PLA2R1: variants seen among roughly 807,000 people sequenced by gnomAD.
The protein encoded by PLA2R1 is secretory phospholipase A2 receptor.
A neutral mutation model predicts 195.9 loss-of-function variants in PLA2R1; 158 were observed. That is an observed-to-expected ratio of 0.81 (90% CI 0.71 to 0.92). PLA2R1 has a LOEUF of 0.92. Ranked by LOEUF, PLA2R1 falls within the 40% of genes least tolerant of loss-of-function variation. The pLI is 0.00. For missense variants in PLA2R1, 1,626 were observed against 1,764.6 expected, an observed-to-expected ratio of 0.92 and a Z score of 1.41; for synonymous variants, 586 against 598.2, an observed-to-expected ratio of 0.98 and a Z score of 0.30.
In PLA2R1 at chr2:159,961,004, A is replaced by C. The variant is rs1379251270; in HGVS notation, c.2905-4377T>G. Among the ~76,000 whole-genome samples, 17 of 152,290 alleles carry C rather than the reference A, an allele frequency of 1.1e-4. No individual in the cohort carries two copies. The South Asian group carries it at 3.5e-3, about 32-fold the overall frequency. On this transcript the variant is annotated intron_variant, in intron 20 of 29. Coordinates refer to ENST00000283243, the MANE Select transcript of PLA2R1 (RefSeq NM_007366.5). ...GTAGCTTTATTTGTTAATAGGGAAAAACCATCCCACCGCTCTCAGCTATCA... is the reference window on the plus strand; with the variant it reads ...GTAGCTTTATTTGTTAATAGGGAAACACCATCCCACCGCTCTCAGCTATCA...
chr2:159,960,239 T>G (rs999575173), intron 20 of PLA2R1, among the ~76,000 whole-genome samples: 2 of 152,134 alleles, frequency 1.3e-5, no homozygotes, highest in African/African-American at 4.8e-5. Flanking sequence ...TTCTGACCAC[T>G]TCAGTCAGGT....
rs773640358 is a variant in PLA2R1, at chr2:159,956,608, G to C, written c.2924C>G (p.Pro975Arg). 2.5e-6 allele frequency: 4 copies of C among 1,607,830 alleles called. No individual in the cohort carries two copies. The highest frequency in any genetic ancestry group is 2.6e-6 in the Non-Finnish European group (3 of 1,174,560). ...GTTCTTCCAACTGCTTGGGTCTTTG[G>C]GGATATTCAGCAGAAGGCACTATCA... Reference protein sequence around the residue: ...FNYKCLLLNIPKDPSSWKNWT... With the variant: ...FNYKCLLLNIRKDPSSWKNWT... The change falls in exon 21 of 30, where the codon CCC becomes CGC. Residue 975 changes from proline (P) to arginine (R), a missense_variant. Coordinates refer to ENST00000283243, the MANE Select transcript of PLA2R1 (RefSeq NM_007366.5).
At chr2:160,013,743 G>GTC (rs1692544711) in intron 9 of PLA2R1, among the ~76,000 whole-genome samples, 1 of 141,344 alleles carries the variant, frequency 7.1e-6, no homozygotes, top group Non-Finnish European at 1.6e-5. Context: ...GTGTGTGTGT[G>GTC]TGTGTGTGTC....
intron 27 of PLA2R1, among the ~76,000 whole-genome samples, chr2:159,945,420 T>C (rs1687326085): frequency 6.8e-6 from 1 of 147,066 alleles, no homozygotes; most frequent in Admixed American, 6.8e-5. Flanking sequence ...CATTGTTCAA[T>C]TCCCACCTAT....
At chr2:159,996,249 A>G (rs1691204103) in intron 11 of PLA2R1, among the ~76,000 whole-genome samples, 1 of 152,110 alleles carries the variant, frequency 6.6e-6, no homozygotes, top group South Asian at 2.1e-4. Context: ...TTTGTTTGAT[A>G]AAAATCAGAT....
rs1686796836 is a variant in PLA2R1 at position 159,935,930 on chromosome 2, T to C, written c.*5848A>G. ...TTGTCATATTTTCCTGCAGTAAAAATATGTATATAAATTAATTTTTTTTTT... is the reference window on the plus strand; with the variant it reads ...TTGTCATATTTTCCTGCAGTAAAAACATGTATATAAATTAATTTTTTTTTT... On this transcript the variant is annotated 3_prime_UTR_variant, in exon 30 of 30. Coordinates refer to ENST00000283243, the MANE Select transcript of PLA2R1 (RefSeq NM_007366.5). 1 of 147,380 alleles carries C rather than the reference T, an allele frequency of 6.8e-6. No individual in the cohort carries two copies. Among genetic ancestry groups the C allele is most frequent in the African/African-American group, 2.5e-5 (1 of 40,304 alleles). The allele number at this position is 147,380 out of a possible 1,614,324, so 9.1% of individuals were successfully genotyped here.
intron 28 of PLA2R1, among the ~76,000 whole-genome samples, chr2:159,944,406 G>GT (rs576881198): frequency 2.0e-5 from 3 of 151,802 alleles, no homozygotes; most frequent in Admixed American, 6.6e-5. Flanking sequence ...TAAAATTATT[G>GT]TTTTTTTTAA....
chr2:159,945,710 A>ATG, intron 27 of PLA2R1: 1 of 736,288 alleles, frequency 1.4e-6, no homozygotes. Flanking sequence ...TTGGGTATAT[A>ATG]CCCAGTAATG....
chr2:159,967,356 T>C (rs559649667), intron 20 of PLA2R1, among the ~76,000 whole-genome samples, 183 bp downstream of exon 20: 1 of 152,292 alleles, frequency 6.6e-6, no homozygotes, highest in East Asian at 1.9e-4. Context: ...TTGACAAAAA[T>C]CTTTTGTTCC....
chr2:159,971,276 G>A (rs868163881), intron 17 of PLA2R1, among the ~76,000 whole-genome samples: 4 of 152,134 alleles, frequency 2.6e-5, no homozygotes, highest in East Asian at 1.9e-4. Context: ...ATCTAAGATT[G>A]TATTAGTAAT....
chr2:159,947,723 G>T (rs1203109847), intron 25 of PLA2R1, among the ~76,000 whole-genome samples, 164 bp from the exon 26 acceptor site: 1 of 152,078 alleles, frequency 6.6e-6, no homozygotes. Flanking sequence ...ATAAAACTAG[G>T]ACCAGTTTAT....
In PLA2R1 at chr2:160,045,093, A is replaced by G. The variant is rs80099109; in HGVS notation, c.174T>C (p.Val58=). The change falls in exon 2 of 30, where the codon GTT becomes GTC. Residue 58 remains valine (V), a synonymous_variant. Coordinates refer to ENST00000283243, the MANE Select transcript of PLA2R1 (RefSeq NM_007366.5). ...LKKCIQAGKS[V]LTLENCKQAN... is the part of the protein sequence containing the mutation. ...CTTGCTTGCAGTTCTCCAGGGTCAGAACCGATTTACCTGCTTGAATGCATT... is the reference window on the plus strand; with the variant it reads ...CTTGCTTGCAGTTCTCCAGGGTCAGGACCGATTTACCTGCTTGAATGCATT... 8.7e-6 allele frequency: 14 copies of G among 1,613,774 alleles called. No individual in the cohort carries two copies. The East Asian group carries it at 3.1e-4, about 36-fold the overall frequency.
Position 159,977,410 on chromosome 2 carries a change from A to T in PLA2R1, c.2275T>A (p.Ser759Thr), listed in dbSNP as rs1689644262. ...AAATAAGTGTTGTCTAAAAACGAAG[A>T]GACAACCTGCAGCAGATGAAGTTCA... is the stretch of plus-strand genomic sequence containing the variant. ...WEWSDRTPVV[S>T]SFLDNTYFGE... is the part of the protein sequence containing the mutation. Residue 759 changes from serine to threonine, a missense_variant, in exon 15 of 30, where the codon TCT becomes ACT. Transcript: ENST00000283243. The T allele has an allele frequency of 6.2e-7, 1 of 1,613,204 alleles. No individual in the cohort carries two copies. The highest frequency in any genetic ancestry group is 1.1e-5 in the South Asian group (1 of 91,002).
intron 14 of PLA2R1, among the ~76,000 whole-genome samples, chr2:159,979,052 C>T (rs999995384): frequency 6.6e-6 from 1 of 152,124 alleles, no homozygotes; most frequent in Non-Finnish European, 1.5e-5. Flanking sequence ...TTCAGCTCAG[C>T]GCTTGGAACA....
intron 10 of PLA2R1, 125 bp from the exon 11 acceptor site, chr2:160,005,946 G>A: frequency 1.4e-6 from 1 of 695,820 alleles, no homozygotes; most frequent in South Asian, 1.8e-5. Flanking sequence ...TTTAGAACAT[G>A]GAACAGGAAA....
chr2:159,988,952 G>A (rs138909193), intron 11 of PLA2R1, among the ~76,000 whole-genome samples: 14 of 152,298 alleles, frequency 9.2e-5, no homozygotes, highest in Non-Finnish European at 1.6e-4. Context: ...AGCGCTGGCT[G>A]CACAAGTGTG....
At position 160,062,355 on chromosome 2, in the gene PLA2R1, G is replaced by A; in HGVS notation, c.49C>T (p.Arg17Trp). 1 of 1,535,828 alleles carries A rather than the reference G, an allele frequency of 6.5e-7. No homozygotes were observed. The highest frequency in any genetic ancestry group is 8.8e-7 in the Non-Finnish European group (1 of 1,140,978). Reference protein sequence around the residue: ...LLLLLLLGAPRGCAEGVAAAL... With the variant: ...LLLLLLLGAPWGCAEGVAAAL... The stretch of plus-strand genomic sequence containing the variant: ...GCCGCCACACCCTCGGCGCAGCCCC[G>A]CGGCGCCCCCAGCAGCAGCAGCAGC... Residue 17 changes from arginine (R) to tryptophan (W), a missense_variant, in exon 1 of 30, where the codon CGG becomes TGG. Coordinates refer to ENST00000283243, the MANE Select transcript of PLA2R1 (RefSeq NM_007366.5).
chr2:159,946,375 A>G (rs1370267634), intron 27 of PLA2R1: 26 of 985,706 alleles, frequency 2.6e-5, no homozygotes, highest in Non-Finnish European at 3.0e-5. Flanking sequence ...ATTTTATTAC[A>G]AACTCTGGTT....
At chr2:159,955,379 T>C (rs373793748) in intron 22 of PLA2R1, 33 bp from the exon 23 acceptor site, 2 of 1,398,874 alleles carry the variant, frequency 1.4e-6, no homozygotes, top group South Asian at 1.2e-5. Flanking sequence ...AAAAGTATGA[T>C]AACATATAGC....
Sources: gnomAD v4.1 joint callset for allele counts (sites outside exome capture counted in the v4.1 genomes callset) on GRCh38, gnomAD v4.1.1 for gene constraint, MANE v1.5 for transcripts, NCBI Gene and HGNC (gene_info 2026-07-23, HGNC 2026-07-21) for gene names.